The following EXOC6B variants were observed in gnomAD, a reference collection of about 807,000 sequenced individuals.
The protein encoded by EXOC6B is SEC15 homolog B.
EXOC6B carries 54 observed loss-of-function variants against 113.5 expected under a neutral mutation model. That is an observed-to-expected ratio of 0.48 (90% CI 0.38 to 0.60). EXOC6B has a LOEUF of 0.60. EXOC6B is among the 20% of genes least tolerant of loss of function. EXOC6B has a pLI of 0.00. For synonymous variants in EXOC6B, 357 were observed against 339.0 expected (o/e 1.05, Z -0.58); for missense variants, 797 against 977.5 (o/e 0.82, Z 2.46).
chr2:72,383,452 T>C (rs1691813521), intron 18 of EXOC6B, among the ~76,000 whole-genome samples: 4 of 151,660 alleles, frequency 2.6e-5, no homozygotes, highest in Admixed American at 2.6e-4. Context: ...GGAGATATCA[T>C]CTCAAACCGG....
chr2:72,371,094 T>G (rs1690986114), intron 19 of EXOC6B, among the ~76,000 whole-genome samples: 1 of 151,476 alleles, frequency 6.6e-6, no homozygotes, highest in Admixed American at 6.6e-5. Flanking sequence ...GTCATGTGTC[T>G]TGGATACCAG....
chr2:72,434,037 G>A (rs1327375456), intron 18 of EXOC6B, among the ~76,000 whole-genome samples: 1 of 152,068 alleles, frequency 6.6e-6, no homozygotes, highest in Non-Finnish European at 1.5e-5. Context: ...ATTGGCTGTG[G>A]GTTTGTCATA....
intron 8 of EXOC6B, among the ~76,000 whole-genome samples, chr2:72,553,111 A>G (rs1703332983): frequency 6.6e-6 from 1 of 152,096 alleles, no homozygotes; most frequent in African/African-American, 2.4e-5. Context: ...CCAAATGACT[A>G]TTAGAACCAA....
At position 72,799,667 on chromosome 2, in the gene EXOC6B, GAATA is replaced by G. The variant is rs757772862; in HGVS notation, c.113+26127_113+26130del. ...GTATGTTTTTAAATGTTTATAAAAA[GAATA>G]AACTTTCCTTTTTGAAGAAATAGGA... On this transcript the variant is annotated intron_variant, in intron 1 of 21. Coordinates refer to ENST00000272427, the MANE Select transcript of EXOC6B (RefSeq NM_015189.3). Among the ~76,000 whole-genome samples the G allele has an allele frequency of 9.7e-4, 148 of 152,234 alleles. 1 individual carries two copies. Among genetic ancestry groups the G allele is most frequent in the African/African-American group, 3.2e-3 (131 of 41,554 alleles).
At chr2:72,730,421 G>T (rs1680561722) in intron 5 of EXOC6B, among the ~76,000 whole-genome samples, 3 of 152,172 alleles carry the variant, frequency 2.0e-5, no homozygotes, top group African/African-American at 7.2e-5. Flanking sequence ...GAATTCTACA[G>T]AAGAGTCCCT....
At chr2:72,358,055 T>C (rs1277886289) in intron 19 of EXOC6B, among the ~76,000 whole-genome samples, 2 of 152,190 alleles carry the variant, frequency 1.3e-5, no homozygotes, top group African/African-American at 2.4e-5. Context: ...TCTTGGAATA[T>C]ATACCGCATA....
intron 19 of EXOC6B, among the ~76,000 whole-genome samples, chr2:72,376,140 T>C (rs1691343902): frequency 1.3e-5 from 2 of 152,208 alleles, no homozygotes; most frequent in African/African-American, 4.8e-5. Context: ...GAAGATATTG[T>C]TGTAGACATC....
At chr2:72,210,092 T>C (rs1376774302) in intron 20 of EXOC6B, among the ~76,000 whole-genome samples, 1 of 152,156 alleles carries the variant, frequency 6.6e-6, no homozygotes. Flanking sequence ...GCTGATCTTT[T>C]GGGTCCTAAA....
chr2:72,699,041 A>G (rs1194655018), intron 6 of EXOC6B, among the ~76,000 whole-genome samples: 1 of 152,194 alleles, frequency 6.6e-6, no homozygotes, highest in Non-Finnish European at 1.5e-5. Context: ...TTATGTGCAC[A>G]TGGTAATTTT....
chr2:72,744,617 C>A (rs1230898829), intron 1 of EXOC6B, among the ~76,000 whole-genome samples: 7 of 152,122 alleles, frequency 4.6e-5, no homozygotes, highest in Admixed American at 4.6e-4. Context: ...ATTGCATAAG[C>A]TGATATATTA....
chr2:72,651,172 G>C (rs1674142433), intron 6 of EXOC6B, among the ~76,000 whole-genome samples: 1 of 152,180 alleles, frequency 6.6e-6, no homozygotes, highest in South Asian at 2.1e-4. Flanking sequence ...ACTACCCTTT[G>C]AGCTAGGTTA....
intron 6 of EXOC6B, among the ~76,000 whole-genome samples, chr2:72,586,050 C>A (rs901039893): frequency 6.6e-6 from 1 of 152,038 alleles, no homozygotes; most frequent in African/African-American, 2.4e-5. Context: ...TAGGTATATA[C>A]CAAAGAATGA....
Position 72,242,890 on chromosome 2 carries a change from G to A in EXOC6B, c.2197-58703C>T, listed in dbSNP as rs759981124. Among the ~76,000 whole-genome samples the A allele has an allele frequency of 3.9e-5, 6 of 152,062 alleles. 1 individual carries two copies. Among genetic ancestry groups the A allele is most frequent in the Admixed American group, 2.0e-4 (3 of 15,266 alleles). On this transcript the variant is annotated intron_variant, in intron 20 of 21. Transcript: ENST00000272427. ...TAGGACTATAGGTATGTGCTACCAC[G>A]CCTTGCTAATATTTAAATTTTTTTT...
chr2:72,711,814 A>G (rs1230963680), intron 6 of EXOC6B, among the ~76,000 whole-genome samples: 3 of 152,176 alleles, frequency 2.0e-5, no homozygotes, highest in Admixed American at 2.0e-4. Context: ...GGTAGTATAT[A>G]CAGCATGGAT....
chr2:72,522,505 CTT>C (rs978197025), intron 8 of EXOC6B, among the ~76,000 whole-genome samples: 2 of 151,826 alleles, frequency 1.3e-5, no homozygotes, highest in African/African-American at 4.8e-5. Flanking sequence ...AAATATGTGA[CTT>C]GTAGAAAAAC....
chr2:72,671,780 AAAGAAAGAAAGAAAGAAAG>A (rs1267443924), intron 6 of EXOC6B, among the ~76,000 whole-genome samples: 9 of 123,982 alleles, frequency 7.3e-5, no homozygotes, highest in Admixed American at 1.5e-4. Context: ...AGAAAGAAAG[AAAGAAAGAAAGAAAGAAAG>A]AAAGAAAGAA....
At chr2:72,769,482 A>T (rs1683285579) in intron 1 of EXOC6B, among the ~76,000 whole-genome samples, 1 of 152,206 alleles carries the variant, frequency 6.6e-6, no homozygotes, top group Non-Finnish European at 1.5e-5. Context: ...TGAGTCAAGG[A>T]TACATGCTGA....
intron 19 of EXOC6B, among the ~76,000 whole-genome samples, chr2:72,373,416 A>C (rs1465285904): frequency 6.6e-6 from 1 of 152,202 alleles, no homozygotes; most frequent in East Asian, 1.9e-4. Flanking sequence ...AAATGGACAA[A>C]TAGGATCACA....
chr2:72,565,854 G>T (rs537355263), intron 7 of EXOC6B, among the ~76,000 whole-genome samples: 2 of 152,004 alleles, frequency 1.3e-5, no homozygotes, highest in Admixed American at 1.3e-4. Context: ...GGGTGGTGGG[G>T]TATAGAAAAT....
Sources: gnomAD v4.1 joint callset for allele counts (sites outside exome capture counted in the v4.1 genomes callset) on GRCh38, gnomAD v4.1.1 for gene constraint, MANE v1.5 for transcripts, NCBI Gene and HGNC (gene_info 2026-07-23, HGNC 2026-07-21) for gene names.